EPHX1: variants seen among roughly 807,000 people sequenced by gnomAD.
The protein encoded by EPHX1 is epoxide hydratase.
EPHX1 carries 40 observed loss-of-function variants against 43.2 expected under a neutral mutation model. The observed-to-expected ratio is 0.93, with a 90% CI of 0.72 to 1.21. The LOEUF (loss-of-function observed/expected upper bound fraction) is 1.21. EPHX1 is among the 50% of genes most tolerant of loss of function. EPHX1 has a pLI of 0.00. For synonymous variants in EPHX1, 221 were observed against 226.7 expected, an observed-to-expected ratio of 0.98 and a Z score of 0.22; for missense variants, 550 against 570.4, an observed-to-expected ratio of 0.96 and a Z score of 0.36.
intron 1 of EPHX1, among the ~76,000 whole-genome samples, chr1:225,816,309 A>C (rs1666723055): frequency 6.6e-6 from 1 of 151,984 alleles, no homozygotes. Context: ...TAAAAGAAAA[A>C]ACAAGTTATT....
chr1:225,839,496 G>A (rs1355561009), intron 5 of EPHX1, 150 bp downstream of exon 5: 18 of 1,457,676 alleles, frequency 1.2e-5, no homozygotes, highest in Middle Eastern at 4.9e-4. Flanking sequence ...CCTGAGGCAC[G>A]TTGACTTGGA....
intron 6 of EPHX1, chr1:225,840,935 A>C (rs1180859103): frequency 6.6e-6 from 1 of 152,236 alleles, no homozygotes; most frequent in African/African-American, 2.4e-5. Flanking sequence ...TGATTATAAA[A>C]TACATGTTGT....
intron 1 of EPHX1, among the ~76,000 whole-genome samples, chr1:225,825,885 C>T (rs909383346): frequency 2.6e-5 from 4 of 152,244 alleles, no homozygotes; most frequent in Non-Finnish European, 5.9e-5. Context: ...ATGTGTCTCC[C>T]AGTCCCTAAC....
chr1:225,824,950 G>T (rs1050721686), intron 1 of EPHX1, among the ~76,000 whole-genome samples: 7 of 152,238 alleles, frequency 4.6e-5, no homozygotes, highest in African/African-American at 1.7e-4. Context: ...CACTGCAGTA[G>T]AGCCTATTTG....
At chr1:225,832,167 T>A (rs1667642377) in intron 3 of EPHX1, 1 of 604,396 alleles carries the variant, frequency 1.7e-6, no homozygotes. Context: ...CAGGAACACA[T>A]ACATGCAATT....
At chr1:225,831,690 G>A (rs1350401252) in intron 2 of EPHX1, 89 bp from the exon 3 acceptor site, 3 of 1,346,912 alleles carry the variant, frequency 2.2e-6, no homozygotes, top group East Asian at 2.3e-5. Flanking sequence ...TGTGGCTGCA[G>A]GGTTTGCTGT....
chr1:225,824,217 A>G (rs578254106), intron 1 of EPHX1, among the ~76,000 whole-genome samples: 1 of 151,726 alleles, frequency 6.6e-6, no homozygotes, highest in African/African-American at 2.4e-5. Flanking sequence ...TCTTATTATT[A>G]CATTTTTTGA....
chr1:225,812,445 G>A (rs1666529929), intron 1 of EPHX1, among the ~76,000 whole-genome samples: 1 of 152,142 alleles, frequency 6.6e-6, no homozygotes, highest in Non-Finnish European at 1.5e-5. Flanking sequence ...GTGGGCAGAG[G>A]GACCTTTGCA....
chr1:225,816,902 T>C (rs1202017380), intron 1 of EPHX1, among the ~76,000 whole-genome samples: 1 of 152,184 alleles, frequency 6.6e-6, no homozygotes, highest in African/African-American at 2.4e-5. Context: ...GACATGTAGA[T>C]AGCATGGAGG....
rs531371597 is a variant in EPHX1, at chr1:225,834,015, G to A, written c.364+2056G>A. ...TGGGAGGCTGAGGCAGAAGAATAGC[G>A]TGAACCCGGAAGGCGGAGCTTGCAG... On this transcript the variant is annotated intron_variant, in intron 3 of 8. Transcript: ENST00000272167. Among the ~76,000 whole-genome samples, 138 of 142,098 alleles carry A rather than the reference G, an allele frequency of 9.7e-4. 1 individual carries two copies. Among genetic ancestry groups the A allele is most frequent in the African/African-American group, 3.4e-3 (128 of 37,758 alleles). 93.2% of individuals were successfully genotyped at this position (142,098 alleles called of 152,430 possible).
rs551205180 is a variant in EPHX1, at chr1:225,844,498, G to C, written c.1041G>C (p.Arg347Ser). The C allele has an allele frequency of 4.6e-5, 74 of 1,614,112 alleles. No homozygotes were observed. The South Asian group carries it at 8.1e-4, about 18-fold the overall frequency. Residue 347 changes from arginine (R) to serine (S), a missense_variant and splice_region_variant, in exon 8 of 9, where the codon AGG becomes AGC. Arg to Ser is a moderately radical substitution (Grantham distance 110). Transcript: ENST00000272167. ...FRYLEDGGLERKFSLDDLLTN... is the reference protein window; with the variant it reads ...FRYLEDGGLESKFSLDDLLTN... Reference sequence around the variant, plus strand: ...GGGGCTTTGTGTTCTGCGTTCCCAGGAAGTTCTCCCTGGACGACCTGCTGA... The same window carrying C: ...GGGGCTTTGTGTTCTGCGTTCCCAGCAAGTTCTCCCTGGACGACCTGCTGA...
In EPHX1 at chr1:225,831,916, G is replaced by A. The variant is rs755081785; in HGVS notation, c.321G>A (p.Val107=). ...ATGAATTTGACTGGAAGAAGCAGGT[G>A]GAGATTCTCAACAGATACCCTCACT... ...WRNEFDWKKQ[V]EILNRYPHFK... Residue 107 remains valine (V), a synonymous_variant, in exon 3 of 9, where the codon GTG becomes GTA. Transcript: ENST00000272167. 3 of 1,614,042 alleles carry A rather than the reference G, an allele frequency of 1.9e-6. No homozygotes were observed. Among genetic ancestry groups the A allele is most frequent in the African/African-American group, 2.7e-5 (2 of 74,928 alleles).
At chr1:225,834,682 C>G (rs904834213) in intron 3 of EPHX1, among the ~76,000 whole-genome samples, 1 of 150,988 alleles carries the variant, frequency 6.6e-6, no homozygotes, top group Admixed American at 6.6e-5. Flanking sequence ...AATTTGATAT[C>G]TTCTATTATG....
rs762453251 is a variant in EPHX1, at chr1:225,845,235, A to C, written c.1256A>C (p.Lys419Thr). ...AAGTGGGTGAGGTTCAAGTACCCAA[A>C]GCTCATCTCCTATTCCTACATGGTT... ...PEKWVRFKYP[K>T]LISYSYMVRG... Residue 419 changes from lysine to threonine, a missense_variant, in exon 9 of 9, where the codon AAG becomes ACG. Lys to Thr is a moderately conservative substitution (Grantham distance 78). Transcript: ENST00000272167. The C allele has an allele frequency of 6.2e-7, 1 of 1,614,078 alleles. No homozygotes were observed. Among genetic ancestry groups the C allele is most frequent in the Admixed American group, 1.7e-5 (1 of 60,022 alleles).
chr1:225,843,548 G>T (rs1300388729), intron 7 of EPHX1, among the ~76,000 whole-genome samples: 2 of 152,176 alleles, frequency 1.3e-5, no homozygotes, highest in Non-Finnish European at 1.5e-5. Flanking sequence ...TTGGCAGGGG[G>T]TCTGGCCTGC....
At position 225,838,738 on chromosome 1, in the gene EPHX1, G is replaced by A. The variant is rs1414456050; in HGVS notation, c.449G>A (p.Trp150Ter). ...TPKPLLMVHG[W>*]PGSFYEFYKI... ...AAGCCCTTGCTGATGGTGCACGGCTGGCCCGGCTCTTTCTACGAGTTTTAT... is the reference window on the plus strand; with the variant it reads ...AAGCCCTTGCTGATGGTGCACGGCTAGCCCGGCTCTTTCTACGAGTTTTAT... The change falls in exon 4 of 9, where the codon TGG (tryptophan) becomes TAG (stop). Residue 150 changes from tryptophan (W) to a stop codon, truncating the protein, a stop_gained. Coordinates refer to ENST00000272167, the MANE Select transcript of EPHX1 (RefSeq NM_001136018.4). LOFTEE classifies it high-confidence loss of function. 1 of 1,614,170 alleles carries A rather than the reference G, an allele frequency of 6.2e-7. No homozygotes were observed. Among genetic ancestry groups the A allele is most frequent in the Admixed American group, 1.7e-5 (1 of 60,020 alleles).
At chr1:225,838,585 G>A in intron 3 of EPHX1, 69 bp from the exon 4 acceptor site, 1 of 1,380,492 alleles carries the variant, frequency 7.2e-7, no homozygotes. Context: ...TAGGCTCTGG[G>A]GGGTGCCAGA....
At chr1:225,821,651 C>G (rs1666987693) in intron 1 of EPHX1, among the ~76,000 whole-genome samples, 1 of 148,178 alleles carries the variant, frequency 6.7e-6, no homozygotes, top group Non-Finnish European at 1.5e-5. Flanking sequence ...GCCTCAACCA[C>G]CTGGGCTCAA....
At chr1:225,837,145 A>C (rs1668009655) in intron 3 of EPHX1, among the ~76,000 whole-genome samples, 1 of 152,234 alleles carries the variant, frequency 6.6e-6, no homozygotes, top group Non-Finnish European at 1.5e-5. Context: ...TAAAGTTTAG[A>C]CAGACAACAC....
Sources: gnomAD v4.1 joint callset for allele counts (sites outside exome capture counted in the v4.1 genomes callset) on GRCh38, gnomAD v4.1.1 for gene constraint, MANE v1.5 for transcripts, NCBI Gene and HGNC (gene_info 2026-07-23, HGNC 2026-07-21) for gene names.